CASD1: variants seen among roughly 807,000 people sequenced by gnomAD.
CASD1 encodes the protein CAS1 domain sialic acid O acetyltransferase 1.
A neutral mutation model predicts 100.0 loss-of-function variants in CASD1; 41 were observed. The observed-to-expected ratio is 0.41, with a 90% confidence interval of 0.32 to 0.53. CASD1 has a LOEUF of 0.53. CASD1 is among the 20% of genes least tolerant of loss of function. The pLI, the probability that CASD1 is intolerant of heterozygous loss-of-function variation, is 0.25. For missense variants in CASD1, 774 were observed against 948.7 expected, an observed-to-expected ratio of 0.82 and a Z score of 2.42; for synonymous variants, 321 against 315.6, an observed-to-expected ratio of 1.02 and a Z score of -0.18.
the CASD1 span, chr7:94,623,209 A>G: frequency 1.6e-6 from 1 of 606,546 alleles, no homozygotes; most frequent in Non-Finnish European, 2.9e-6. Context: ...TTATTATTTC[A>G]TCAGTTATAT....
At chr7:94,587,251 C>G in the CASD1 span, 1 of 985,548 alleles carries the variant, frequency 1.0e-6, no homozygotes, top group Non-Finnish European at 1.2e-6. Flanking sequence ...GCTAAAAAAT[C>G]TATGTGACTA....
chr7:94,601,443 C>CAAAAAAAAAAAAAAAAAAAAAAAAAA, the CASD1 span, among the ~76,000 whole-genome samples: 2 of 89,356 alleles, frequency 2.2e-5, no homozygotes, highest in African/African-American at 5.8e-5. Flanking sequence ...ATCCCAGTAT[C>CAAAAAAAAAAAAAAAAAAAAAAAAAA]AAAAAAAAAA....
intron 1 of CASD1, among the ~76,000 whole-genome samples, chr7:94,515,214 A>G (rs1412250637): frequency 1.3e-5 from 2 of 152,128 alleles, no homozygotes; most frequent in South Asian, 2.1e-4. Context: ...ACCCTAGCTG[A>G]TATGATACAG....
chr7:94,535,637 T>C (rs925476060), intron 8 of CASD1, 114 bp downstream of exon 8: 1 of 720,282 alleles, frequency 1.4e-6, no homozygotes. Context: ...CTTAGTAACT[T>C]GTAGTTATTG....
the CASD1 span, among the ~76,000 whole-genome samples, chr7:94,606,520 C>A: frequency 6.6e-6 from 1 of 152,128 alleles, no homozygotes; most frequent in Non-Finnish European, 1.5e-5. Flanking sequence ...GATGAATCCA[C>A]TATTATAGCT....
In CASD1 at chr7:94,547,208, ATATTT is replaced by A. The variant is rs751638857; in HGVS notation, c.1713+41_1713+45del. On this transcript the variant is annotated intron_variant, in intron 13 of 17. Coordinates refer to ENST00000297273, the MANE Select transcript of CASD1 (RefSeq NM_022900.5). ...CAATCTTTTCAGTTTATATTTTTTC[ATATTT>A]TATTTTAAAGTTCAAGTCTATTAAA... The A allele has an allele frequency of 8.7e-5, 127 of 1,453,896 alleles. 1 individual carries two copies. In the South Asian group the frequency reaches 1.2e-3, roughly 14 times the overall value. The allele number at this position is 1,453,896 out of a possible 1,614,324, so 90.1% of individuals were successfully genotyped here. A position where few individuals can be genotyped will look rare whatever the true frequency, so the allele number is the denominator to read the frequency against.
chr7:94,512,869 A>G (rs1001776754), intron 1 of CASD1, among the ~76,000 whole-genome samples: 4 of 152,202 alleles, frequency 2.6e-5, no homozygotes, highest in Non-Finnish European at 5.9e-5. Flanking sequence ...ATGAAGCATG[A>G]CAGATTAAAT....
the CASD1 span, chr7:94,603,395 T>G: frequency 6.2e-7 from 1 of 1,613,334 alleles, no homozygotes; most frequent in Non-Finnish European, 8.5e-7. Flanking sequence ...TCTGTGGATT[T>G]TCAACTTCTC....
chr7:94,513,978 G>T (rs530337105), intron 1 of CASD1, among the ~76,000 whole-genome samples: 1 of 151,984 alleles, frequency 6.6e-6, no homozygotes, highest in African/African-American at 2.4e-5. Flanking sequence ...ATCTCAAAAT[G>T]TCCATTATTA....
At chr7:94,584,027 T>C in the CASD1 span, among the ~76,000 whole-genome samples, 2 of 152,318 alleles carry the variant, frequency 1.3e-5, no homozygotes, top group African/African-American at 4.8e-5. Context: ...TAAAGATTTG[T>C]AAGATGCTGG....
intron 3 of CASD1, among the ~76,000 whole-genome samples, chr7:94,519,274 A>G (rs1247832273): frequency 6.6e-6 from 1 of 152,194 alleles, no homozygotes; most frequent in African/African-American, 2.4e-5. Context: ...AAGTGATCCC[A>G]GATTGTAATC....
intron 3 of CASD1, among the ~76,000 whole-genome samples, chr7:94,523,841 A>G (rs1341243536): frequency 2.0e-5 from 3 of 152,240 alleles, no homozygotes; most frequent in East Asian, 3.8e-4. Flanking sequence ...TGGTATTGGT[A>G]TAAACAAAGA....
At chr7:94,519,602 CAG>C (rs1287909251) in intron 3 of CASD1, among the ~76,000 whole-genome samples, 1 of 151,970 alleles carries the variant, frequency 6.6e-6, no homozygotes, top group Non-Finnish European at 1.5e-5. Flanking sequence ...AGAGAAGACT[CAG>C]AACTATTTAA....
the CASD1 span, among the ~76,000 whole-genome samples, chr7:94,568,477 A>G: frequency 2.6e-5 from 4 of 152,214 alleles, no homozygotes; most frequent in Non-Finnish European, 5.9e-5. Flanking sequence ...AAAATCTGCT[A>G]TGTTAGAAAA....
chr7:94,603,489 A>G, the CASD1 span: 4 of 1,597,586 alleles, frequency 2.5e-6, no homozygotes, highest in Non-Finnish European at 3.4e-6. Flanking sequence ...ATCCTTTAAG[A>G]AAATTGAAAA....
At chr7:94,538,480 G>A (rs548183476) in intron 9 of CASD1, among the ~76,000 whole-genome samples, 44 of 152,118 alleles carry the variant, frequency 2.9e-4, no homozygotes, top group Admixed American at 2.9e-3. Context: ...TACCTCTCCT[G>A]TGAGGATTAT....
chr7:94,624,800 T>G, the CASD1 span: 2 of 152,070 alleles, frequency 1.3e-5, no homozygotes, highest in African/African-American at 4.8e-5. Context: ...TTAATAGCAA[T>G]ATTTTTATGG....
intron 6 of CASD1, 65 bp from the exon 7 acceptor site, chr7:94,533,613 TA>T: frequency 8.3e-7 from 1 of 1,209,214 alleles, no homozygotes; most frequent in Admixed American, 2.7e-5. Context: ...TTACAGTAGG[TA>T]AATTATATAC....
At chr7:94,599,748 A>AT in the CASD1 span, 5 of 1,462,908 alleles carry the variant, frequency 3.4e-6, no homozygotes, top group Non-Finnish European at 3.8e-6. Context: ...AAATTTATGA[A>AT]TTAAATAATA....
Sources: allele counts gnomAD v4.1 joint callset (sites outside exome capture counted in the v4.1 genomes callset), GRCh38; gene constraint gnomAD v4.1.1; transcripts MANE v1.5; gene names NCBI Gene and HGNC (gene_info 2026-07-23, HGNC 2026-07-21).